Variants in IL5 observed in about 807,000 individuals in gnomAD.
IL5 encodes interleukin 5, also known as interleukin-5.
In IL5, 12 loss-of-function variants were observed where a neutral mutation model predicts 16.3. The ratio of observed to expected loss-of-function variants is 0.74; its 90% CI spans 0.47 to 1.20. The LOEUF (loss-of-function observed/expected upper bound fraction) is 1.20, where lower values mean the gene tolerates loss of function less well. Among genes scored for constraint, IL5 ranks in the 50% most tolerant of loss-of-function variants. The pLI is 0.00. For missense variants in IL5, 159 were observed against 153.9 expected (o/e 1.03, Z -0.17); for synonymous variants, 54 against 56.6 (o/e 0.95, Z 0.21).
chr5:132,554,639 C>A (rs1749942712), intron 1 of IL5, among the ~76,000 whole-genome samples: 1 of 152,070 alleles, frequency 6.6e-6, no homozygotes, highest in South Asian at 2.1e-4. Flanking sequence ...TATGGCAGTT[C>A]CTCAAATAAT....
intron 1 of IL5, among the ~76,000 whole-genome samples, chr5:132,552,066 C>T (rs894646153): frequency 1.1e-4 from 17 of 152,020 alleles, no homozygotes; most frequent in Non-Finnish European, 2.2e-4. Context: ...GTCAAGAGAT[C>T]GAGACCATCC....
At chr5:132,546,143 A>C (rs1352100344), upstream of IL5, among the ~76,000 whole-genome samples, 1 of 152,196 alleles carries the variant, frequency 6.6e-6, no homozygotes, top group Non-Finnish European at 1.5e-5. Context: ...TCTTTTAGAA[A>C]TGTTTAATTG....
intron 1 of IL5, among the ~76,000 whole-genome samples, chr5:132,554,535 T>A (rs1749940811): frequency 6.6e-6 from 1 of 152,042 alleles, no homozygotes; most frequent in South Asian, 2.1e-4. Context: ...TAAAAAAACA[T>A]AAAATAACAA....
chr5:132,554,740 C>T (rs1024102068), intron 1 of IL5, among the ~76,000 whole-genome samples: 63 of 152,246 alleles, frequency 4.1e-4, no homozygotes, highest in African/African-American at 1.5e-3. Context: ...GACATTTGTA[C>T]ACCAATATAT....
At chr5:132,549,803 C>G (rs1037112098) in intron 1 of IL5, among the ~76,000 whole-genome samples, 1 of 152,152 alleles carries the variant, frequency 6.6e-6, no homozygotes, top group Non-Finnish European at 1.5e-5. Context: ...TTCATGATGA[C>G]TAAATGTAAA....
In IL5 at chr5:132,542,074, T is replaced by C. The variant is rs747692142; in HGVS notation, c.247A>G (p.Thr83Ala). The C allele has an allele frequency of 3.1e-6, 5 of 1,613,576 alleles. No homozygotes were observed. The Admixed American group carries it at 5.0e-5, about 16-fold the overall frequency. The change falls in exon 3 of 4, where the codon ACT becomes GCT. Residue 83 changes from threonine (T) to alanine (A), a missense_variant. By Grantham distance (58) the Thr-to-Ala change is moderately conservative. Transcript: ENST00000231454. ...AAGTTTTTGAATAGTCTTTCCACAG[T>C]ACCCCCTTGCACAGTTTGACTCTCC... is the stretch of plus-strand genomic sequence containing the variant. The part of the protein sequence containing the change: ...TLESQTVQGG[T>A]VERLFKNLSL...
upstream of IL5, among the ~76,000 whole-genome samples, chr5:132,546,817 A>G (rs1233930303): frequency 6.6e-6 from 1 of 152,026 alleles, no homozygotes; most frequent in Non-Finnish European, 1.5e-5. Context: ...CGAGGTCAGG[A>G]GATCGAGACC....
upstream of IL5, chr5:132,543,646 TA>T (rs66653352): frequency 2.0e-3 from 953 of 472,098 alleles, 6 homozygotes; most frequent in African/African-American, 0.015. Flanking sequence ...CAATGCCTTA[TA>T]TCTTAAAAAA....
intron 1 of IL5, among the ~76,000 whole-genome samples, chr5:132,551,722 C>A (rs1749885936): frequency 6.6e-6 from 1 of 152,192 alleles, no homozygotes; most frequent in African/African-American, 2.4e-5. Flanking sequence ...TTAAATGTAT[C>A]TATTGCTCAC....
Position 132,542,096 on chromosome 5 carries a change from C to T in IL5, c.225G>A (p.Glu75=), listed in dbSNP as rs771362124. 21 of 1,613,056 alleles carry T rather than the reference C, an allele frequency of 1.3e-5. No individual in the cohort carries two copies. Among genetic ancestry groups the T allele is most frequent in the Non-Finnish European group, 1.8e-5 (21 of 1,179,226 alleles). The part of the protein sequence containing the change: ...EEIFQGIGTL[E]SQTVQGGTVE... Reference sequence around the variant, plus strand: ...CAGTACCCCCTTGCACAGTTTGACTCTCCAGTGTGCCTATTCCCTGAAAGA... The same window carrying T: ...CAGTACCCCCTTGCACAGTTTGACTTTCCAGTGTGCCTATTCCCTGAAAGA... The change falls in exon 3 of 4, where the codon GAG becomes GAA. Residue 75 remains glutamate (E), a synonymous_variant. Coordinates refer to ENST00000231454, the MANE Select transcript of IL5 (RefSeq NM_000879.3).
intron 1 of IL5, among the ~76,000 whole-genome samples, chr5:132,554,363 T>A: frequency 3.4e-5 from 1 of 29,408 alleles, no homozygotes. Flanking sequence ...TGAGACTCCA[T>A]CTCAAAAAAA....
intron 1 of IL5, among the ~76,000 whole-genome samples, chr5:132,554,577 C>A (rs1749941419): frequency 6.6e-6 from 1 of 152,122 alleles, no homozygotes; most frequent in African/African-American, 2.4e-5. Flanking sequence ...AATTGAAACC[C>A]TTATGCACTA....
At chr5:132,546,936 G>A (rs1749802870), upstream of IL5, among the ~76,000 whole-genome samples, 1 of 152,202 alleles carries the variant, frequency 6.6e-6, no homozygotes, top group African/African-American at 2.4e-5. Flanking sequence ...TGAGGCAGGA[G>A]AATGGCGTGA....
intron 1 of IL5, among the ~76,000 whole-genome samples, chr5:132,553,195 A>G (rs1252977274): frequency 6.6e-6 from 1 of 152,190 alleles, no homozygotes; most frequent in Non-Finnish European, 1.5e-5. Flanking sequence ...CTTTAATGAT[A>G]ATGATCTCCT....
rs1255332383 is a variant in IL5 at position 132,541,662 on chromosome 5, AAAG to A, written c.*146_*148del. 7.7e-6 allele frequency: 4 copies of A among 517,388 alleles called. No homozygotes were observed. Among genetic ancestry groups the A allele is most frequent in the African/African-American group, 3.9e-5 (2 of 51,006 alleles). 32.0% of individuals were successfully genotyped at this position (517,388 alleles called of 1,614,324 possible). Reference sequence around the variant, plus strand: ...TTTTAAGAATTTTATGCTTTCTGGCAAAGTGTCAGTATGCCTGAAATATTTACT... The same window carrying A: ...TTTTAAGAATTTTATGCTTTCTGGCATGTCAGTATGCCTGAAATATTTACT... On this transcript the variant is annotated 3_prime_UTR_variant, in exon 4 of 4. Coordinates refer to ENST00000231454, the MANE Select transcript of IL5 (RefSeq NM_000879.3).
chr5:132,548,779 A>G (rs1749835869), intron 1 of IL5, among the ~76,000 whole-genome samples: 1 of 152,206 alleles, frequency 6.6e-6, no homozygotes, highest in Admixed American at 6.5e-5. Context: ...CAACTGGAAT[A>G]GTTGGGTAAG....
chr5:132,556,051 C>T (rs1226770875), intron 1 of IL5: 1 of 152,164 alleles, frequency 6.6e-6, no homozygotes, highest in African/African-American at 2.4e-5. Flanking sequence ...TCCTTTGGCA[C>T]ATACATTTAT....
intron 1 of IL5, 80 bp from the exon 2 acceptor site, chr5:132,543,206 A>G (rs1749727136): frequency 7.1e-7 from 1 of 1,410,402 alleles, no homozygotes. Flanking sequence ...CTGGTGATGT[A>G]GTTATCACCC....
At position 132,542,105 on chromosome 5, in the gene IL5, G is replaced by A. The variant is rs1226256483; in HGVS notation, c.216C>T (p.Gly72=). The change falls in exon 3 of 4, where the codon GGC becomes GGT. Residue 72 remains glycine (G), a synonymous_variant. Transcript: ENST00000231454. ...LCTEEIFQGI[G]TLESQTVQGG... is the part of the protein sequence containing the mutation. ...CTTGCACAGTTTGACTCTCCAGTGT[G>A]CCTATTCCCTGAAAGATTTCTTCAG... 2.5e-6 allele frequency: 4 copies of A among 1,612,884 alleles called. No homozygotes were observed. The East Asian group carries it at 8.9e-5, about 36-fold the overall frequency.
Sources: allele counts gnomAD v4.1 joint callset (sites outside exome capture counted in the v4.1 genomes callset), GRCh38; gene constraint gnomAD v4.1.1; transcripts MANE v1.5; gene names NCBI Gene and HGNC (gene_info 2026-07-23, HGNC 2026-07-21).